Variants in UGT1A10 observed in about 807,000 individuals in gnomAD.
The protein encoded by UGT1A10 is UDP glucuronosyltransferase family 1 member A10, also known as UDP-glucuronosyltransferase 1A10.
UGT1A10 carries 49 observed loss-of-function variants against 45.8 expected under a neutral mutation model. The ratio of observed to expected loss-of-function variants is 1.07; its 90% CI spans 0.85 to 1.36. The LOEUF (loss-of-function observed/expected upper bound fraction) is 1.36, where lower values mean the gene tolerates loss of function less well. Ranked by LOEUF, UGT1A10 falls within the 40% of genes most tolerant of loss-of-function variation. The pLI is 0.00. For missense variants in UGT1A10, 745 were observed against 668.6 expected (o/e 1.11, Z -1.26); for synonymous variants, 284 against 249.7 (o/e 1.14, Z -1.29).
intron 1 of UGT1A10, among the ~76,000 whole-genome samples, chr2:233,676,940 A>G (rs1443138810): frequency 6.6e-6 from 1 of 152,132 alleles, no homozygotes; most frequent in Non-Finnish European, 1.5e-5. Context: ...TCTATTTGTG[A>G]AATATTTGAT....
Position 233,767,098 on chromosome 2 carries a change from T to C in UGT1A10, c.920T>C (p.Met307Thr). 1.2e-6 allele frequency: 2 copies of C among 1,614,160 alleles called. No homozygotes were observed. Among genetic ancestry groups the C allele is most frequent in the Non-Finnish European group, 8.5e-7 (1 of 1,180,018 alleles). The change falls in exon 2 of 5, where the codon ATG (methionine) becomes ACG (threonine). Residue 307 changes from methionine to threonine, a missense_variant. Transcript: ENST00000344644. Reference protein sequence around the residue: ...HGIVVFSLGSMVSEIPEKKAM... With the variant: ...HGIVVFSLGSTVSEIPEKKAM... ...ATTGTGGTTTTCTCTTTGGGATCAA[T>C]GGTCTCAGAAATTCCAGAGAAGAAA... is the stretch of plus-strand genomic sequence containing the variant.
chr2:233,702,281 T>C (rs950915205), intron 1 of UGT1A10, among the ~76,000 whole-genome samples: 3 of 152,228 alleles, frequency 2.0e-5, no homozygotes, highest in African/African-American at 7.2e-5. Context: ...TTTTTCCCTT[T>C]AGCATAAAGA....
intron 1 of UGT1A10, among the ~76,000 whole-genome samples, chr2:233,711,520 T>C (rs1354665738): frequency 6.6e-6 from 1 of 152,188 alleles, no homozygotes; most frequent in African/African-American, 2.4e-5. Flanking sequence ...CTCTGTGTCC[T>C]CACAACTCCC....
intron 1 of UGT1A10, among the ~76,000 whole-genome samples, chr2:233,655,864 A>AT (rs1429896479): frequency 6.6e-6 from 1 of 152,164 alleles, no homozygotes; most frequent in Non-Finnish European, 1.5e-5. Flanking sequence ...TCACTCCAGC[A>AT]TTTTTTGCCT....
chr2:233,664,921 C>T (rs956164711), intron 1 of UGT1A10, among the ~76,000 whole-genome samples: 3 of 152,132 alleles, frequency 2.0e-5, no homozygotes, highest in African/African-American at 7.2e-5. Context: ...TAGATCATAT[C>T]CAAGTTGCAT....
intron 1 of UGT1A10, among the ~76,000 whole-genome samples, chr2:233,739,420 AG>A (rs1432310727): frequency 3.3e-5 from 5 of 152,220 alleles, no homozygotes; most frequent in African/African-American, 1.2e-4. Flanking sequence ...GAAAGCAGCC[AG>A]GACGAGGGCT....
intron 1 of UGT1A10, among the ~76,000 whole-genome samples, chr2:233,662,585 G>A (rs1269571283): frequency 2.6e-5 from 4 of 152,154 alleles, no homozygotes; most frequent in Non-Finnish European, 5.9e-5. Context: ...CTGTGAATGA[G>A]ATCCTTTTAC....
chr2:233,767,823 C>T (rs763238770), intron 2 of UGT1A10, 26 bp from the exon 3 acceptor site: 36 of 1,614,026 alleles, frequency 2.2e-5, no homozygotes, highest in Non-Finnish European at 2.7e-5. Context: ...TCTTTCTTTA[C>T]GTTCTGCTCT....
rs2074607007 is a variant in UGT1A10, at chr2:233,682,922, T to A, written c.855+45545T>A. 11 of 1,476,916 alleles carry A rather than the reference T, an allele frequency of 7.4e-6. No individual in the cohort carries two copies. The South Asian group carries it at 1.6e-4, about 21-fold the overall frequency. 91.5% of individuals were successfully genotyped at this position (1,476,916 alleles called of 1,614,324 possible). ...TTCTTTCTGGTTTAAGGAATTCTTT[T>A]GTACCAATTCACTTAATTGTTGGGT... On this transcript the variant is annotated intron_variant, in intron 1 of 4. Coordinates refer to ENST00000344644, the MANE Select transcript of UGT1A10 (RefSeq NM_019075.4).
At chr2:233,723,435 C>T (rs1211906407) in intron 1 of UGT1A10, among the ~76,000 whole-genome samples, 2 of 136,680 alleles carry the variant, frequency 1.5e-5, no homozygotes, top group East Asian at 4.4e-4. Context: ...GTCTCGAACT[C>T]CTGACCTCAG....
Position 233,768,420 on chromosome 2 carries a change from G to A in UGT1A10, c.1276G>A (p.Ala426Thr). 6.2e-7 allele frequency: 1 copy of A among 1,614,048 alleles called. No homozygotes were observed. Among genetic ancestry groups the A allele is most frequent in the South Asian group, 1.1e-5 (1 of 91,078 alleles). Residue 426 changes from alanine (A) to threonine (T), a missense_variant, in exon 4 of 5, where the codon GCA becomes ACA. By Grantham distance (58) the Ala-to-Thr change is moderately conservative (BLOSUM62 0). Transcript: ENST00000344644. Reference protein sequence around the residue: ...TSEDLENALKAVINDKSYKEN... With the variant: ...TSEDLENALKTVINDKSYKEN... ...TGAAGATTTAGAAAATGCTCTAAAAGCAGTCATCAATGACAAAAGGTAAGA... is the reference window on the plus strand; with the variant it reads ...TGAAGATTTAGAAAATGCTCTAAAAACAGTCATCAATGACAAAAGGTAAGA...
intron 1 of UGT1A10, among the ~76,000 whole-genome samples, chr2:233,737,339 C>T (rs1412051076): frequency 6.6e-6 from 1 of 152,240 alleles, no homozygotes; most frequent in Non-Finnish European, 1.5e-5. Context: ...GAGCAAGGCT[C>T]CGTGGGCATG....
intron 1 of UGT1A10, among the ~76,000 whole-genome samples, chr2:233,658,443 C>CT (rs1473044456): frequency 6.6e-6 from 1 of 152,120 alleles, no homozygotes; most frequent in African/African-American, 2.4e-5. Context: ...ACCTAATGTC[C>CT]TTTTTCATTT....
At chr2:233,765,957 T>C (rs1248795427) in intron 1 of UGT1A10, among the ~76,000 whole-genome samples, 3 of 151,920 alleles carry the variant, frequency 2.0e-5, no homozygotes, top group Non-Finnish European at 2.9e-5. Flanking sequence ...TCACCGGCAG[T>C]GTCTAGAGGT....
intron 1 of UGT1A10, chr2:233,747,297 T>C: frequency 6.2e-7 from 1 of 1,601,102 alleles, no homozygotes; most frequent in Admixed American, 1.7e-5. Context: ...GGGCTGAGAG[T>C]GGGAAGGTGC....
At chr2:233,741,204 T>C (rs1691587952) in intron 1 of UGT1A10, among the ~76,000 whole-genome samples, 1 of 151,922 alleles carries the variant, frequency 6.6e-6, no homozygotes, top group Admixed American at 6.5e-5. Flanking sequence ...CTGTTAAAAC[T>C]AGCCAGAGTT....
intron 1 of UGT1A10, chr2:233,713,356 T>C (rs2125633353): frequency 6.2e-7 from 1 of 1,614,242 alleles, no homozygotes; most frequent in Non-Finnish European, 8.5e-7. Flanking sequence ...AATATGTCTT[T>C]GATCATACAT....
chr2:233,746,072 G>A (rs1693292846), intron 1 of UGT1A10, among the ~76,000 whole-genome samples: 2 of 151,808 alleles, frequency 1.3e-5, no homozygotes, highest in Admixed American at 6.6e-5. Flanking sequence ...AAAGAGAAGA[G>A]GAGTCACTTC....
At chr2:233,665,894 T>C (rs981260893) in intron 1 of UGT1A10, among the ~76,000 whole-genome samples, 1 of 152,174 alleles carries the variant, frequency 6.6e-6, no homozygotes, top group Non-Finnish European at 1.5e-5. Flanking sequence ...CAAGGTGCCC[T>C]CCCACCACCT....
Sources: gnomAD v4.1 joint callset for allele counts (sites outside exome capture counted in the v4.1 genomes callset) on GRCh38, gnomAD v4.1.1 for gene constraint, MANE v1.5 for transcripts, NCBI Gene and HGNC (gene_info 2026-07-23, HGNC 2026-07-21) for gene names.